GRIP1: variants seen among roughly 807,000 people sequenced by gnomAD.
The protein encoded by GRIP1 is glutamate receptor-interacting protein 1.
A neutral mutation model predicts 129.9 loss-of-function variants in GRIP1; 45 were observed. The observed-to-expected ratio is 0.35, with a 90% CI of 0.27 to 0.44. GRIP1 has a LOEUF of 0.44. Among genes scored for constraint, GRIP1 ranks in the 20% least tolerant of loss-of-function variants. The probability of loss-of-function intolerance (pLI) is 1.00; values close to 1 mark genes in which losing one functional copy is unlikely to be tolerated. For synonymous variants in GRIP1, 530 were observed against 520.8 expected (o/e 1.02, Z -0.24); for missense variants, 1,196 against 1,396.8 (o/e 0.86, Z 2.29).
intron 1 of GRIP1, among the ~76,000 whole-genome samples, chr12:66,837,222 C>T (rs1187975823): frequency 1.3e-5 from 2 of 152,156 alleles, no homozygotes; most frequent in Non-Finnish European, 2.9e-5. Flanking sequence ...CTGCGGGATG[C>T]AAACATAAAT....
chr12:66,656,291 C>T (rs2033152056), intron 1 of GRIP1, among the ~76,000 whole-genome samples: 1 of 152,014 alleles, frequency 6.6e-6, no homozygotes, highest in Non-Finnish European at 1.5e-5. Flanking sequence ...TTTTGTTAGC[C>T]AACAGTGTAT....
At chr12:66,476,878 A>C (rs1374431928) in intron 7 of GRIP1, among the ~76,000 whole-genome samples, 5 of 152,228 alleles carry the variant, frequency 3.3e-5, no homozygotes, top group Admixed American at 3.3e-4. Context: ...GGACGTATCT[A>C]AAAATAATAA....
At chr12:66,967,932 T>G (rs1053452093) in intron 1 of GRIP1, among the ~76,000 whole-genome samples, 1 of 152,220 alleles carries the variant, frequency 6.6e-6, no homozygotes, top group Non-Finnish European at 1.5e-5. Flanking sequence ...TGGAGTGTTT[T>G]ATACATGTCA....
intron 15 of GRIP1, among the ~76,000 whole-genome samples, chr12:66,417,560 A>T (rs1014268260): frequency 3.3e-5 from 5 of 152,216 alleles, no homozygotes; most frequent in Admixed American, 2.0e-4. Flanking sequence ...TCCACAAAAA[A>T]CAATTAGAGC....
chr12:66,972,743 T>C (rs2042092500), intron 1 of GRIP1, among the ~76,000 whole-genome samples: 1 of 152,190 alleles, frequency 6.6e-6, no homozygotes, highest in African/African-American at 2.4e-5. Flanking sequence ...TATGGTATAT[T>C]TTGCAGCCCC....
intron 1 of GRIP1, among the ~76,000 whole-genome samples, chr12:66,966,625 C>T (rs777908327): frequency 7.9e-5 from 12 of 152,064 alleles, no homozygotes; most frequent in Non-Finnish European, 1.5e-4. Flanking sequence ...CTGAGATTTC[C>T]GTTGGTTTTA....
At chr12:66,501,515 T>C (rs942586536) in intron 7 of GRIP1, among the ~76,000 whole-genome samples, 1 of 152,196 alleles carries the variant, frequency 6.6e-6, no homozygotes, top group African/African-American at 2.4e-5. Context: ...GTAATCTTAA[T>C]TAGTACTTAA....
chr12:66,432,771 T>A (rs2058188151), intron 13 of GRIP1, 143 bp from the exon 14 acceptor site: 1 of 639,944 alleles, frequency 1.6e-6, no homozygotes. Flanking sequence ...GCCTTTAAAA[T>A]CCTAGTAAAT....
intron 5 of GRIP1, among the ~76,000 whole-genome samples, chr12:66,526,861 T>G (rs371419900): frequency 6.7e-6 from 1 of 148,834 alleles, no homozygotes; most frequent in South Asian, 2.2e-4. Flanking sequence ...AAAAAGTGGG[T>G]GAAGGATATG....
chr12:66,640,705 T>TA (rs915080411), intron 1 of GRIP1, among the ~76,000 whole-genome samples: 6 of 152,028 alleles, frequency 3.9e-5, no homozygotes, highest in Non-Finnish European at 8.8e-5. Context: ...CACACAAGCA[T>TA]AAAAAAACTA....
At chr12:66,775,187 A>G (rs2037940195) in intron 1 of GRIP1, among the ~76,000 whole-genome samples, 1 of 152,214 alleles carries the variant, frequency 6.6e-6, no homozygotes. Flanking sequence ...TAAGGAGCAC[A>G]GAGAGGGAGG....
At chr12:66,687,856 C>T (rs112008922) in intron 1 of GRIP1, among the ~76,000 whole-genome samples, 275 of 152,216 alleles carry the variant, frequency 1.8e-3, no homozygotes, top group Non-Finnish European at 3.0e-3. Flanking sequence ...CCCTTAGTCA[C>T]GGGGACTGGT....
chr12:66,511,720 A>G (rs2060704291), intron 7 of GRIP1, among the ~76,000 whole-genome samples: 1 of 152,160 alleles, frequency 6.6e-6, no homozygotes, highest in Non-Finnish European at 1.5e-5. Flanking sequence ...GGGTGGTAGG[A>G]CCATCTTGCC....
intron 1 of GRIP1, among the ~76,000 whole-genome samples, chr12:66,785,349 T>TATATATATATATATATATATATAC (rs2038303586): frequency 2.2e-5 from 3 of 135,972 alleles, no homozygotes; most frequent in Non-Finnish European, 4.7e-5. Context: ...CATACATATA[T>TATATATATATATATATATATATAC]ATATATATAT....
At chr12:66,539,337 G>A (rs1278045149) in intron 3 of GRIP1, 114 bp from the exon 4 acceptor site, 2 of 1,381,684 alleles carry the variant, frequency 1.4e-6, no homozygotes, top group Non-Finnish European at 2.0e-6. Context: ...AGCCTAGAAG[G>A]CTGACAGCAG....
chr12:66,861,564 G>A (rs1407625634), intron 1 of GRIP1, among the ~76,000 whole-genome samples: 1 of 152,042 alleles, frequency 6.6e-6, no homozygotes, highest in Non-Finnish European at 1.5e-5. Context: ...TGGGGCTAAA[G>A]GCTGAATACA....
At chr12:66,483,832 C>T (rs1222968546) in intron 7 of GRIP1, among the ~76,000 whole-genome samples, 2 of 151,712 alleles carry the variant, frequency 1.3e-5, no homozygotes, top group African/African-American at 2.4e-5. Flanking sequence ...TTACATTGCT[C>T]ACCATCCAAA....
At chr12:66,527,622 T>A (rs1256965883) in intron 5 of GRIP1, among the ~76,000 whole-genome samples, 1 of 152,006 alleles carries the variant, frequency 6.6e-6, no homozygotes. Flanking sequence ...CATGTATACA[T>A]ATGTAACAAA....
intron 23 of GRIP1, among the ~76,000 whole-genome samples, chr12:66,363,849 G>C (rs936489732): frequency 6.6e-6 from 1 of 152,154 alleles, no homozygotes; most frequent in African/African-American, 2.4e-5. Flanking sequence ...GGAGACATTG[G>C]TCAATGGGTA....
Sources: gnomAD v4.1 joint callset for allele counts (sites outside exome capture counted in the v4.1 genomes callset) on GRCh38, gnomAD v4.1.1 for gene constraint, MANE v1.5 for transcripts, NCBI Gene and HGNC (gene_info 2026-07-23, HGNC 2026-07-21) for gene names.